UBAC2: variants seen among roughly 807,000 people sequenced by gnomAD.
UBAC2 encodes ubiquitin-associated domain-containing protein 2.
In UBAC2, 26 loss-of-function variants were observed where a neutral mutation model predicts 44.0. The observed-to-expected ratio is 0.59, with a 90% CI of 0.43 to 0.82. The LOEUF is 0.82. Ranked by LOEUF, UBAC2 falls within the 40% of genes least tolerant of loss-of-function variation. The probability of loss-of-function intolerance (pLI) is 0.00; values close to 1 mark genes in which losing one functional copy is unlikely to be tolerated. For missense variants in UBAC2, 329 were observed against 419.4 expected (o/e 0.78, Z 1.88); for synonymous variants, 155 against 154.3 (o/e 1.00, Z -0.04).
intron 1 of UBAC2, among the ~76,000 whole-genome samples, chr13:99,238,069 G>T (rs7995524): frequency 6.6e-6 from 1 of 152,018 alleles, no homozygotes; most frequent in Non-Finnish European, 1.5e-5. Flanking sequence ...TATGAGTTTT[G>T]TGCATGCTCA....
At chr13:99,363,812 G>T (rs1056338076) in intron 7 of UBAC2, among the ~76,000 whole-genome samples, 9 of 152,338 alleles carry the variant, frequency 5.9e-5, no homozygotes, top group African/African-American at 2.2e-4. Flanking sequence ...ACTGGAGTTG[G>T]CAGTGTCTGG....
intron 1 of UBAC2, among the ~76,000 whole-genome samples, chr13:99,217,469 C>T (rs1021716118): frequency 6.6e-6 from 1 of 152,232 alleles, no homozygotes; most frequent in African/African-American, 2.4e-5. Context: ...GGCAGACCCT[C>T]TTGTGTGGCC....
At chr13:99,370,598 C>T (rs1177367230) in intron 8 of UBAC2, among the ~76,000 whole-genome samples, 1 of 152,212 alleles carries the variant, frequency 6.6e-6, no homozygotes, top group Admixed American at 6.5e-5. Flanking sequence ...ACAAATGCCA[C>T]GCACCTGCCT....
chr13:99,338,060 T>TA (rs2044824392), intron 6 of UBAC2, among the ~76,000 whole-genome samples: 2 of 97,310 alleles, frequency 2.1e-5, no homozygotes, highest in Admixed American at 1.0e-4. Context: ...TTTTTTTTTT[T>TA]TTTTTTTTTT....
rs563946379 is a variant in UBAC2, at chr13:99,305,806, GA to G, written c.390-8287del. ...AAAAAGTGCAGTGAACCCGCAGAGA[GA>G]AAACATGCTAAAATATAAGAAGTGT... On this transcript the variant is annotated intron_variant, in intron 4 of 8. Coordinates refer to ENST00000403766, the MANE Select transcript of UBAC2 (RefSeq NM_001144072.2). Among the ~76,000 whole-genome samples, 82 of 152,262 alleles carry G rather than the reference GA, an allele frequency of 5.4e-4. 1 individual carries two copies. The highest frequency in any genetic ancestry group is 1.9e-3 in the African/African-American group (80 of 41,554).
intron 4 of UBAC2, among the ~76,000 whole-genome samples, chr13:99,279,738 G>A (rs150739999): frequency 1.0e-3 from 158 of 152,304 alleles, no homozygotes; most frequent in African/African-American, 3.6e-3. Context: ...GGTGTTTGGG[G>A]CTGTCTTTTC....
intron 7 of UBAC2, among the ~76,000 whole-genome samples, chr13:99,344,443 A>G (rs368270365): frequency 1.3e-5 from 2 of 152,180 alleles, no homozygotes; most frequent in African/African-American, 4.8e-5. Context: ...TTTCAAATAC[A>G]TGTTTTTGTT....
intron 1 of UBAC2, among the ~76,000 whole-genome samples, chr13:99,218,033 G>A (rs184381759): frequency 7.4e-4 from 113 of 152,258 alleles, no homozygotes; most frequent in African/African-American, 2.4e-3. Context: ...TTCTGTAAGC[G>A]TCCTGATTTA....
At chr13:99,269,730 G>A (rs573133960) in intron 4 of UBAC2, among the ~76,000 whole-genome samples, 1 of 152,180 alleles carries the variant, frequency 6.6e-6, no homozygotes, top group East Asian at 1.9e-4. Context: ...CTTCAATCTA[G>A]ACTGTAAGCT....
chr13:99,218,755 C>T (rs937504001), intron 1 of UBAC2, among the ~76,000 whole-genome samples: 6 of 152,006 alleles, frequency 3.9e-5, no homozygotes, highest in Non-Finnish European at 8.8e-5. Flanking sequence ...TGTAGGGAAA[C>T]AGCTGTAACA....
At chr13:99,243,634 G>A (rs763921448) in intron 2 of UBAC2, among the ~76,000 whole-genome samples, 198 bp from the exon 3 acceptor site, 8 of 152,014 alleles carry the variant, frequency 5.3e-5, no homozygotes, top group Non-Finnish European at 8.8e-5. Context: ...AGTACCTTTC[G>A]TGCCACTGTT....
At chr13:99,296,225 T>A in intron 4 of UBAC2, 1 of 1,381,842 alleles carries the variant, frequency 7.2e-7, no homozygotes, top group Non-Finnish European at 9.6e-7. Context: ...TGATTACTCA[T>A]TAGTTTTAAA....
At chr13:99,260,821 A>G (rs2043649906) in intron 4 of UBAC2, among the ~76,000 whole-genome samples, 1 of 152,176 alleles carries the variant, frequency 6.6e-6, no homozygotes, top group Admixed American at 6.6e-5. Context: ...TTCACTTGCA[A>G]AAGAGGGATT....
intron 7 of UBAC2, among the ~76,000 whole-genome samples, chr13:99,343,402 G>T (rs955613855): frequency 2.0e-5 from 3 of 152,080 alleles, no homozygotes; most frequent in African/African-American, 7.2e-5. Flanking sequence ...AACATCACGG[G>T]ATCTGCCAGG....
At chr13:99,209,285 C>T (rs1015763632) in intron 1 of UBAC2, among the ~76,000 whole-genome samples, 2 of 152,198 alleles carry the variant, frequency 1.3e-5, no homozygotes, top group East Asian at 1.9e-4. Flanking sequence ...TCCTCCTGTC[C>T]TGTCTTCACG....
At chr13:99,373,278 C>T (rs1288147850) in intron 8 of UBAC2, among the ~76,000 whole-genome samples, 1 of 149,752 alleles carries the variant, frequency 6.7e-6, no homozygotes, top group Non-Finnish European at 1.5e-5. Flanking sequence ...TTTTTAAAAC[C>T]AAAGGGGGAA....
At chr13:99,311,924 G>T (rs1002154383) in intron 4 of UBAC2, among the ~76,000 whole-genome samples, 1 of 152,184 alleles carries the variant, frequency 6.6e-6, no homozygotes, top group Non-Finnish European at 1.5e-5. Context: ...GTGCACCTCC[G>T]TCTGCCACCC....
chr13:99,201,531 GT>G (rs769942467), intron 1 of UBAC2: 8 of 1,614,210 alleles, frequency 5.0e-6, no homozygotes, highest in Middle Eastern at 1.6e-4. Flanking sequence ...GCTGCTGGAT[GT>G]TGCTGTTTTC....
chr13:99,250,924 A>AT (rs1212232501), intron 4 of UBAC2, among the ~76,000 whole-genome samples: 5 of 151,484 alleles, frequency 3.3e-5, no homozygotes, highest in South Asian at 4.2e-4. Flanking sequence ...TTTCTTTTGT[A>AT]TTTTTTAGTA....
Sources: gnomAD v4.1 joint callset for allele counts (sites outside exome capture counted in the v4.1 genomes callset) on GRCh38, gnomAD v4.1.1 for gene constraint, MANE v1.5 for transcripts, NCBI Gene and HGNC (gene_info 2026-07-23, HGNC 2026-07-21) for gene names.